The following LIX1 variants were observed in gnomAD, a reference collection of about 807,000 sequenced individuals.
LIX1 encodes protein limb expression 1 homolog.
A neutral mutation model predicts 33.4 loss-of-function variants in LIX1; 24 were observed. The observed-to-expected ratio is 0.72, with a 90% confidence interval of 0.52 to 1.01. The LOEUF is 1.01. Ranked by LOEUF, LIX1 falls within the 50% of genes least tolerant of loss-of-function variation. The pLI, the probability that LIX1 is intolerant of heterozygous loss-of-function variation, is 0.00. For synonymous variants in LIX1, 124 were observed against 124.0 expected (o/e 1.00, Z 0.00); for missense variants, 311 against 339.2 (o/e 0.92, Z 0.65).
In LIX1 at chr5:97,109,269, T is replaced by C. The variant is rs1747236614; in HGVS notation, c.247-1769A>G. Among the ~76,000 whole-genome samples, 5 of 152,158 alleles carry C rather than the reference T, an allele frequency of 3.3e-5. No homozygotes were observed. The South Asian group carries it at 1.0e-3, about 31-fold the overall frequency. ...TGGGAGGAGCCCTCATATACTTTTG[T>C]TTTTAAAGACTGATTCTCCTGTCAC... is the stretch of plus-strand genomic sequence containing the variant. On this transcript the variant is annotated intron_variant, in intron 2 of 5. Transcript: ENST00000274382.
In LIX1 at chr5:97,095,022, T is replaced by C; in HGVS notation, c.575A>G (p.Tyr192Cys). 1.2e-6 allele frequency: 2 copies of C among 1,613,096 alleles called. No individual in the cohort carries two copies. The highest frequency in any genetic ancestry group is 8.5e-7 in the Non-Finnish European group (1 of 1,179,274). Residue 192 changes from tyrosine to cysteine, a missense_variant, in exon 6 of 6, where the codon TAC becomes TGC. By Grantham distance (194) the Tyr-to-Cys change is radical. Coordinates refer to ENST00000274382, the MANE Select transcript of LIX1 (RefSeq NM_153234.5). The part of the protein sequence containing the change: ...TKCSRQEVIS[Y>C]YSQYSLDEKM... The stretch of plus-strand genomic sequence containing the variant: ...TTCATCTAGAGAATACTGAGAATAG[T>C]AGGAGATGACTTCCTGGGGGCCAAG...
intron 5 of LIX1, among the ~76,000 whole-genome samples, chr5:97,096,247 AT>A (rs1383520355): frequency 6.6e-6 from 1 of 152,246 alleles, no homozygotes. Flanking sequence ...CTTCTCATAA[AT>A]AACAAAGAAA....
chr5:97,113,072 G>C (rs767196838), intron 2 of LIX1, among the ~76,000 whole-genome samples: 2 of 152,200 alleles, frequency 1.3e-5, no homozygotes, highest in Admixed American at 6.5e-5. Flanking sequence ...AAGAGAAGTG[G>C]AACCAAGAGG....
chr5:97,099,626 C>G (rs1166647901), intron 4 of LIX1, among the ~76,000 whole-genome samples: 2 of 152,070 alleles, frequency 1.3e-5, no homozygotes, highest in African/African-American at 4.8e-5. Flanking sequence ...CACTTGAGGT[C>G]AGGAGATGGA....
At chr5:97,112,061 A>G (rs1460566596) in intron 2 of LIX1, among the ~76,000 whole-genome samples, 2 of 152,222 alleles carry the variant, frequency 1.3e-5, no homozygotes, top group Non-Finnish European at 2.9e-5. Flanking sequence ...TGTTCTTGGC[A>G]TTTCTGAAAG....
At chr5:97,095,811 G>T (rs775783382) in intron 5 of LIX1, among the ~76,000 whole-genome samples, 4 of 152,080 alleles carry the variant, frequency 2.6e-5, no homozygotes, top group East Asian at 1.9e-4. Context: ...AGAACATATG[G>T]TATGCATTTA....
At chr5:97,126,626 A>G (rs1006620605) in intron 1 of LIX1, among the ~76,000 whole-genome samples, 3 of 150,584 alleles carry the variant, frequency 2.0e-5, no homozygotes, top group Non-Finnish European at 4.4e-5. Context: ...ATTTGAAATA[A>G]TATTTTCTTT....
At chr5:97,096,444 C>G (rs1404133968) in intron 5 of LIX1, among the ~76,000 whole-genome samples, 1 of 152,172 alleles carries the variant, frequency 6.6e-6, no homozygotes, top group Non-Finnish European at 1.5e-5. Flanking sequence ...GTTTCAGAAG[C>G]AGTGCATTTT....
At chr5:97,137,601 A>C (rs1403296487) in intron 1 of LIX1, among the ~76,000 whole-genome samples, 1 of 152,226 alleles carries the variant, frequency 6.6e-6, no homozygotes, top group East Asian at 1.9e-4. Context: ...AATAGGCTTC[A>C]GTCAAACAGA....
At chr5:97,099,873 G>C (rs1162307835) in intron 4 of LIX1, among the ~76,000 whole-genome samples, 1 of 152,090 alleles carries the variant, frequency 6.6e-6, no homozygotes, top group East Asian at 1.9e-4. Context: ...TCCTCCGTTT[G>C]ACCCCCACAA....
At chr5:97,102,961 A>C (rs1746793745) in intron 4 of LIX1, 1 of 413,026 alleles carries the variant, frequency 2.4e-6, no homozygotes, top group Admixed American at 3.2e-5. Context: ...ATGCTTTATA[A>C]ATGTTACACT....
At chr5:97,118,190 C>T (rs1190734963) in intron 2 of LIX1, among the ~76,000 whole-genome samples, 1 of 152,150 alleles carries the variant, frequency 6.6e-6, no homozygotes, top group African/African-American at 2.4e-5. Context: ...AATCATAATT[C>T]ATGCACATAA....
chr5:97,120,531 G>C (rs763190493), intron 2 of LIX1, among the ~76,000 whole-genome samples: 16 of 152,174 alleles, frequency 1.1e-4, no homozygotes, highest in Non-Finnish European at 1.9e-4. Context: ...GTTCCATCAG[G>C]GAGATTCAGA....
chr5:97,112,803 A>G (rs1158646539), intron 2 of LIX1, among the ~76,000 whole-genome samples: 1 of 138,172 alleles, frequency 7.2e-6, no homozygotes, highest in South Asian at 2.5e-4. Flanking sequence ...TAAAGTAAAA[A>G]AAAAAAAAAA....
chr5:97,095,025 G>A lies in LIX1; in HGVS notation c.572C>T (p.Ser191Phe). The A allele has an allele frequency of 6.2e-7, 1 of 1,612,858 alleles. No homozygotes were observed. The highest frequency in any genetic ancestry group is 8.5e-7 in the Non-Finnish European group (1 of 1,179,082). The change falls in exon 6 of 6, where the codon TCC (serine) becomes TTC (phenylalanine). Residue 191 changes from serine (S) to phenylalanine (F), a missense_variant. Transcript: ENST00000274382. ...ATCTAGAGAATACTGAGAATAGTAG[G>A]AGATGACTTCCTGGGGGCCAAGAAA... ...ETKCSRQEVI[S>F]YYSQYSLDEK... is the part of the protein sequence containing the mutation.
At chr5:97,138,587 A>T (rs1748217390) in intron 1 of LIX1, among the ~76,000 whole-genome samples, 1 of 152,152 alleles carries the variant, frequency 6.6e-6, no homozygotes, top group African/African-American at 2.4e-5. Flanking sequence ...CTGCCTCCTC[A>T]GTCTGTCTCT....
chr5:97,118,378 A>G (rs1033255247), intron 2 of LIX1, among the ~76,000 whole-genome samples: 4 of 152,202 alleles, frequency 2.6e-5, no homozygotes, highest in Non-Finnish European at 5.9e-5. Flanking sequence ...AAGATAAAAT[A>G]CTCAAGTTCC....
chr5:97,109,137 G>A (rs1045024930), intron 2 of LIX1, among the ~76,000 whole-genome samples: 4 of 152,120 alleles, frequency 2.6e-5, no homozygotes, highest in Non-Finnish European at 5.9e-5. Flanking sequence ...CAAGTCCTCT[G>A]TGATTTTCCC....
At chr5:97,133,302 T>G (rs187115113) in intron 1 of LIX1, among the ~76,000 whole-genome samples, 3 of 152,352 alleles carry the variant, frequency 2.0e-5, no homozygotes, top group Admixed American at 2.0e-4. Flanking sequence ...CTGCAAGATA[T>G]CTAACCACAC....
Sources: allele counts gnomAD v4.1 joint callset (sites outside exome capture counted in the v4.1 genomes callset), GRCh38; gene constraint gnomAD v4.1.1; transcripts MANE v1.5; gene names NCBI Gene and HGNC (gene_info 2026-07-23, HGNC 2026-07-21).